Variants in ELOVL4 observed in about 807,000 individuals in gnomAD.
The protein encoded by ELOVL4 is very long chain fatty acid elongase 4.
Under a neutral mutation model 42.1 loss-of-function variants are expected in ELOVL4, and 18 were observed. That is an observed-to-expected ratio of 0.43 (90% CI 0.30 to 0.63). The LOEUF (loss-of-function observed/expected upper bound fraction) is 0.63, where lower values mean the gene tolerates loss of function less well. ELOVL4 is among the 30% of genes least tolerant of loss of function. The pLI is 0.15. For synonymous variants in ELOVL4, 117 were observed against 127.0 expected (o/e 0.92, Z 0.53); for missense variants, 299 against 376.2 (o/e 0.79, Z 1.70).
intron 1 of ELOVL4, among the ~76,000 whole-genome samples, chr6:79,940,131 T>C (rs1194516017): frequency 6.6e-6 from 1 of 152,116 alleles, no homozygotes; most frequent in Non-Finnish European, 1.5e-5. Context: ...GATAAGTGAA[T>C]AAAAATGAAA....
chr6:79,937,610 C>T (rs1332701929), intron 1 of ELOVL4, among the ~76,000 whole-genome samples: 1 of 151,762 alleles, frequency 6.6e-6, no homozygotes, highest in African/African-American at 2.4e-5. Flanking sequence ...GACACAGTGC[C>T]TGACACTTAG....
chr6:79,940,590 T>C (rs1404066619), intron 1 of ELOVL4, among the ~76,000 whole-genome samples: 1 of 152,168 alleles, frequency 6.6e-6, no homozygotes, highest in Non-Finnish European at 1.5e-5. Flanking sequence ...TGGAAAAATA[T>C]GAAGACTGAG....
intron 1 of ELOVL4, among the ~76,000 whole-genome samples, chr6:79,934,460 G>T (rs1774510081): frequency 6.6e-6 from 1 of 152,056 alleles, no homozygotes; most frequent in Non-Finnish European, 1.5e-5. Flanking sequence ...AGTATGCGAA[G>T]GTTCCTAGCA....
At chr6:79,930,314 T>C (rs1459278259) in intron 1 of ELOVL4, among the ~76,000 whole-genome samples, 2 of 152,178 alleles carry the variant, frequency 1.3e-5, no homozygotes, top group Non-Finnish European at 2.9e-5. Flanking sequence ...AATTAGCCCT[T>C]CTAGTTCAGC....
At chr6:79,936,788 C>T (rs1219790922) in intron 1 of ELOVL4, among the ~76,000 whole-genome samples, 1 of 152,092 alleles carries the variant, frequency 6.6e-6, no homozygotes, top group Non-Finnish European at 1.5e-5. Flanking sequence ...AAGAGAAGGG[C>T]CCTTCAAATA....
At chr6:79,944,875 A>G (rs958914058) in intron 1 of ELOVL4, among the ~76,000 whole-genome samples, 1 of 151,436 alleles carries the variant, frequency 6.6e-6, no homozygotes, top group Non-Finnish European at 1.5e-5. Context: ...CATTTGACTC[A>G]CCAACTTTTG....
rs1774341216 is a variant in ELOVL4 at position 79,926,273 on chromosome 6, C to T, written c.209G>A (p.Arg70Gln). 2.5e-6 allele frequency: 4 copies of T among 1,613,906 alleles called. No homozygotes were observed. The highest frequency in any genetic ancestry group is 1.3e-5 in the African/African-American group (1 of 75,000). Residue 70 changes from arginine (R) to glutamine (Q), a missense_variant, in exon 2 of 6, where the codon CGA (arginine) becomes CAA (glutamine). Arg to Gln is a conservative substitution (Grantham distance 43). Coordinates refer to ENST00000369816, the MANE Select transcript of ELOVL4 (RefSeq NM_022726.4). ...CACTAGACGCATCTGAAAAGGTTCT[C>T]GGTCCTTCATCCATTTTGGACCCAG... ...VWLGPKWMKDREPFQMRLVLI... is the reference protein window; with the variant it reads ...VWLGPKWMKDQEPFQMRLVLI...
intron 1 of ELOVL4, among the ~76,000 whole-genome samples, chr6:79,942,183 T>C (rs535894210): frequency 8.5e-5 from 13 of 152,296 alleles, no homozygotes; most frequent in African/African-American, 3.1e-4. Context: ...CCCAGTTGGC[T>C]AGAGCTGCAG....
chr6:79,921,619 G>T lies in ELOVL4; in HGVS notation c.541+6C>A, dbSNP rs760471444. 9 of 1,613,688 alleles carry T rather than the reference G, an allele frequency of 5.6e-6. No individual in the cohort carries two copies. Among genetic ancestry groups the T allele is most frequent in the African/African-American group, 1.3e-5 (1 of 74,950 alleles). On this transcript the variant is annotated splice_donor_region_variant and intron_variant, in intron 4 of 5. Transcript: ENST00000369816. ...ACGCAAGCAGTATATTCCTGAAAATGCTCACCTTGTCCTCCTGCAACCCAC... is the reference window on the plus strand; with the variant it reads ...ACGCAAGCAGTATATTCCTGAAAATTCTCACCTTGTCCTCCTGCAACCCAC...
intron 1 of ELOVL4, among the ~76,000 whole-genome samples, chr6:79,929,169 AG>A (rs35476838): frequency 0.23 from 21,429 of 92,156 alleles, 1,836 homozygotes; most frequent in South Asian, 0.47. Context: ...CAGGTTGGGG[AG>A]GGGGGCGGGT....
intron 1 of ELOVL4, among the ~76,000 whole-genome samples, chr6:79,946,467 C>T (rs1054738552): frequency 3.3e-5 from 5 of 152,194 alleles, no homozygotes; most frequent in East Asian, 3.9e-4. Flanking sequence ...TGTAGAGACC[C>T]CCTTCCTAAA....
intron 4 of ELOVL4, among the ~76,000 whole-genome samples, chr6:79,920,157 G>T (rs1279565410): frequency 2.0e-5 from 3 of 152,146 alleles, no homozygotes; most frequent in Non-Finnish European, 4.4e-5. Context: ...AATTACAGAA[G>T]TTGCCTTTAA....
chr6:79,934,362 C>A (rs1404627364), intron 1 of ELOVL4, among the ~76,000 whole-genome samples: 4 of 151,868 alleles, frequency 2.6e-5, no homozygotes, highest in African/African-American at 7.3e-5. Flanking sequence ...GAATCTATAG[C>A]TGGAAAACCA....
chr6:79,925,068 T>C, intron 2 of ELOVL4, 36 bp from the exon 3 acceptor site: 1 of 1,339,528 alleles, frequency 7.5e-7, no homozygotes, highest in South Asian at 1.2e-5. Flanking sequence ...AGTAAAGTTT[T>C]AGTAAACACA....
intron 1 of ELOVL4, among the ~76,000 whole-genome samples, chr6:79,933,454 C>T (rs142817372): frequency 6.6e-6 from 1 of 152,204 alleles, no homozygotes; most frequent in African/African-American, 2.4e-5. Context: ...TGGCCCTGAA[C>T]CCCTGAGCTC....
At chr6:79,932,418 G>A (rs989980469) in intron 1 of ELOVL4, among the ~76,000 whole-genome samples, 9 of 151,920 alleles carry the variant, frequency 5.9e-5, no homozygotes, top group East Asian at 1.9e-4. Context: ...GGTGGTGTGC[G>A]CCTGTAATCC....
chr6:79,927,388 T>C (rs566739947), intron 1 of ELOVL4, among the ~76,000 whole-genome samples: 71 of 152,304 alleles, frequency 4.7e-4, no homozygotes, highest in African/African-American at 1.6e-3. Flanking sequence ...TTTAAAGTAG[T>C]AAAAGAAAAT....
At position 79,926,366 on chromosome 6, in the gene ELOVL4, T is replaced by C. The variant is rs1774343763; in HGVS notation, c.116A>G (p.Asn39Ser). The change falls in exon 2 of 6, where the codon AAT (asparagine) becomes AGT (serine). Residue 39 changes from asparagine to serine, a missense_variant. By Grantham distance (46) the Asn-to-Ser change is conservative. Transcript: ENST00000369816. ...TWSIADKRVE[N>S]WPLMQSPWPT... The stretch of plus-strand genomic sequence containing the variant: ...CCAAGGAGACTGCATCAGAGGCCAA[T>C]TTTCCACACGCTTATCTATAGAGAG... The C allele has an allele frequency of 6.2e-7, 1 of 1,613,864 alleles. No individual in the cohort carries two copies. Among genetic ancestry groups the C allele is most frequent in the Non-Finnish European group, 8.5e-7 (1 of 1,179,854 alleles).
At position 79,915,133 on chromosome 6, in the gene ELOVL4, T is replaced by G. The variant is rs1774135864; in HGVS notation, c.*1475A>C. On this transcript the variant is annotated 3_prime_UTR_variant, in exon 6 of 6. Transcript: ENST00000369816. ...CTACACATGCAGCTTTGACATGTTG[T>G]TGAGATACTTAAGAAATATTCATGC... 1 of 152,516 alleles carries G rather than the reference T, an allele frequency of 6.6e-6. No homozygotes were observed. Among genetic ancestry groups the G allele is most frequent in the African/African-American group, 2.4e-5 (1 of 41,470 alleles). The allele number at this position is 152,516 out of a possible 1,614,324, so 9.4% of individuals were successfully genotyped here.
Sources: allele counts gnomAD v4.1 joint callset (sites outside exome capture counted in the v4.1 genomes callset), GRCh38; gene constraint gnomAD v4.1.1; transcripts MANE v1.5; gene names NCBI Gene and HGNC (gene_info 2026-07-23, HGNC 2026-07-21).